PCLO: variants seen among roughly 807,000 people sequenced by gnomAD.
The protein encoded by PCLO is piccolo presynaptic cytomatrix protein.
Under a neutral mutation model 427.5 loss-of-function variants are expected in PCLO, and 82 were observed. The observed-to-expected ratio is 0.19, with a 90% CI of 0.16 to 0.23. The LOEUF (loss-of-function observed/expected upper bound fraction) is 0.23, where lower values mean the gene tolerates loss of function less well. Among genes scored for constraint, PCLO ranks in the 10% least tolerant of loss-of-function variants. PCLO has a pLI of 1.00. For synonymous variants in PCLO, 2,357 were observed against 2,155.4 expected, an observed-to-expected ratio of 1.09 and a Z score of -2.59; for missense variants, 6,239 against 6,115.9, an observed-to-expected ratio of 1.02 and a Z score of -0.67.
chr7:82,850,779 A>G (rs1027009124), intron 10 of PCLO, among the ~76,000 whole-genome samples: 26 of 152,162 alleles, frequency 1.7e-4, no homozygotes, highest in African/African-American at 5.8e-4. Context: ...ACCTTTGCTT[A>G]TGTCTAACAT....
intron 3 of PCLO, among the ~76,000 whole-genome samples, chr7:83,063,604 T>C (rs1334155403): frequency 6.6e-6 from 1 of 152,136 alleles, no homozygotes; most frequent in East Asian, 1.9e-4. Context: ...GGCTAAACTA[T>C]GATGTTTAGC....
rs576065562 is a variant in PCLO, at chr7:82,989,813, CATGAGGAA to C, written c.3301-23334_3301-23327del. Among the ~76,000 whole-genome samples, 860 of 152,152 alleles carry C rather than the reference CATGAGGAA, an allele frequency of 5.7e-3. 5 individuals are homozygous for C. The highest frequency in any genetic ancestry group is 0.016 in the African/African-American group (669 of 41,516). On this transcript the variant is annotated intron_variant, in intron 3 of 24. Coordinates refer to ENST00000333891, the MANE Select transcript of PCLO (RefSeq NM_033026.6). ...AGACAGTTTATTCCGTGTTGAGTGTCATGAGGAAGAGTTATACTATGGTCCAAAGATTT... is the reference window on the plus strand; with the variant it reads ...AGACAGTTTATTCCGTGTTGAGTGTCGAGTTATACTATGGTCCAAAGATTT...
At chr7:83,133,408 C>G (rs1279450615) in intron 3 of PCLO, among the ~76,000 whole-genome samples, 1 of 151,844 alleles carries the variant, frequency 6.6e-6, no homozygotes, top group African/African-American at 2.4e-5. Context: ...ATTGTTTAAC[C>G]CTCTAGTCTC....
intron 3 of PCLO, among the ~76,000 whole-genome samples, chr7:83,055,385 A>C (rs780461192): frequency 6.6e-6 from 1 of 152,148 alleles, no homozygotes; most frequent in Non-Finnish European, 1.5e-5. Flanking sequence ...CAAAATAAAA[A>C]GTGATGACCT....
rs1384280753 is a variant in PCLO, at chr7:82,810,465, T to TA, written c.14792-4637dup. Among the ~76,000 whole-genome samples, 4 of 151,598 alleles carry TA rather than the reference T, an allele frequency of 2.6e-5. No homozygotes were observed. In the East Asian group the frequency reaches 7.7e-4, roughly 29 times the overall value. ...CTTAAGTGTATTACTAAGTACCAAG[T>TA]AAAGGAAAGAGTGGATGCTATAAAT... On this transcript the variant is annotated intron_variant, in intron 20 of 24. Transcript: ENST00000333891.
intron 10 of PCLO, among the ~76,000 whole-genome samples, chr7:82,872,882 A>G (rs1023277937): frequency 5.9e-5 from 9 of 152,176 alleles, no homozygotes; most frequent in African/African-American, 2.2e-4. Flanking sequence ...GCACAAAGAC[A>G]TGTGTGGCAA....
chr7:82,834,879 G>T (rs887061704), intron 16 of PCLO, among the ~76,000 whole-genome samples: 1 of 151,970 alleles, frequency 6.6e-6, no homozygotes. Flanking sequence ...TGGGGCAGAA[G>T]TTACAAAGGC....
At chr7:82,987,174 A>AT (rs571464185) in intron 3 of PCLO, among the ~76,000 whole-genome samples, 1 of 151,994 alleles carries the variant, frequency 6.6e-6, no homozygotes, top group Non-Finnish European at 1.5e-5. Context: ...TTTTGGCTGG[A>AT]TTTTACAAAT....
At chr7:82,973,814 C>G (rs567576064) in intron 3 of PCLO, among the ~76,000 whole-genome samples, 1 of 151,884 alleles carries the variant, frequency 6.6e-6, no homozygotes, top group East Asian at 1.9e-4. Flanking sequence ...ATATTACAAC[C>G]AGATATTAAA....
chr7:82,894,727 C>T (rs1450185737), intron 9 of PCLO, among the ~76,000 whole-genome samples: 2 of 151,930 alleles, frequency 1.3e-5, no homozygotes, highest in African/African-American at 4.8e-5. Context: ...ATAATTCTAT[C>T]AGACAGGGCA....
chr7:82,918,987 C>G (rs1029670932), intron 6 of PCLO, among the ~76,000 whole-genome samples: 1 of 151,964 alleles, frequency 6.6e-6, no homozygotes. Flanking sequence ...AGCTTAGAAG[C>G]TATATTTGAA....
chr7:83,043,056 C>T (rs1789011551), intron 3 of PCLO, among the ~76,000 whole-genome samples: 1 of 152,184 alleles, frequency 6.6e-6, no homozygotes, highest in Non-Finnish European at 1.5e-5. Flanking sequence ...CTGTGCTGTG[C>T]ATTGTCAGAT....
chr7:82,840,283 T>C (rs567428594), intron 14 of PCLO, among the ~76,000 whole-genome samples: 1 of 152,152 alleles, frequency 6.6e-6, no homozygotes, highest in South Asian at 2.1e-4. Context: ...AGTTTGTTCT[T>C]AGTAACGTGT....
At chr7:83,082,083 T>G (rs535996896) in intron 3 of PCLO, among the ~76,000 whole-genome samples, 2 of 151,408 alleles carry the variant, frequency 1.3e-5, no homozygotes, top group Non-Finnish European at 3.0e-5. Flanking sequence ...CTAAGAAATT[T>G]TCCTCCATTT....
At chr7:83,110,927 T>C (rs1790987775) in intron 3 of PCLO, among the ~76,000 whole-genome samples, 1 of 152,170 alleles carries the variant, frequency 6.6e-6, no homozygotes. Context: ...AAGCACTGAA[T>C]TGTAAATTTA....
chr7:82,954,403 G>A lies in PCLO; in HGVS notation c.6550C>T (p.Leu2184Phe). 2 of 1,613,936 alleles carry A rather than the reference G, an allele frequency of 1.2e-6. No individual in the cohort carries two copies. Among genetic ancestry groups the A allele is most frequent in the South Asian group, 1.1e-5 (1 of 91,084 alleles). ...CAGACCGAAGAAACAGATGATGTGA[G>A]AGAAGGTGTGTCAGAGGGTGGGACA... Reference protein sequence around the residue: ...TSVPPSDTPSLTSSVSSVCTT... With the variant: ...TSVPPSDTPSFTSSVSSVCTT... The change falls in exon 5 of 25, where the codon CTC becomes TTC. Residue 2184 changes from leucine (L) to phenylalanine (F), a missense_variant. By Grantham distance (22) the Leu-to-Phe change is conservative (BLOSUM62 0). This residue lies in a region of PCLO where 4,677 missense variants were observed against 4,468.4 expected (regional missense o/e 1.05). Transcript: ENST00000333891.
At chr7:83,071,328 G>A (rs1199997812) in intron 3 of PCLO, among the ~76,000 whole-genome samples, 3 of 152,108 alleles carry the variant, frequency 2.0e-5, no homozygotes, top group Non-Finnish European at 1.5e-5. Flanking sequence ...TCTTAAATGT[G>A]ACAATAGTTA....
intron 16 of PCLO, among the ~76,000 whole-genome samples, chr7:82,831,931 A>G (rs1318855606): frequency 6.6e-6 from 1 of 152,156 alleles, no homozygotes; most frequent in African/African-American, 2.4e-5. Flanking sequence ...TTAAAACTCT[A>G]CACAAAATAG....
rs762086904 is a variant in PCLO at position 83,134,867 on chromosome 7, A to C, written c.2683T>G (p.Ser895Ala). Residue 895 changes from serine (S) to alanine (A), a missense_variant, in exon 3 of 25, where the codon TCC becomes GCC. Ser to Ala is a moderately conservative substitution (Grantham distance 99). Coordinates refer to ENST00000333891, the MANE Select transcript of PCLO (RefSeq NM_033026.6). ...AGQTVPTPQQ[S>A]PKPQEQSRRF... ...CTTGACTGCTCCTGAGGCTTTGGGG[A>C]CTGTTGAGGTGTGGGGACAGTTTGG... The C allele has an allele frequency of 2.5e-6, 4 of 1,607,816 alleles. No individual in the cohort carries two copies. In the South Asian group the frequency reaches 4.4e-5, roughly 18 times the overall value.
Sources: allele counts gnomAD v4.1 joint callset (sites outside exome capture counted in the v4.1 genomes callset), GRCh38; gene constraint gnomAD v4.1.1; regional missense constraint gnomAD v4.1.1; transcripts MANE v1.5; gene names NCBI Gene and HGNC (gene_info 2026-07-23, HGNC 2026-07-21).